Variants in ANKRD44 observed in about 807,000 individuals in gnomAD.
ANKRD44 encodes the protein serine/threonine-protein phosphatase 6 regulatory ankyrin repeat subunit B.
Under a neutral mutation model 116.0 loss-of-function variants are expected in ANKRD44, and 35 were observed. That is an observed-to-expected ratio of 0.30 (90% confidence interval 0.23 to 0.40). The LOEUF is 0.40. Among genes scored for constraint, ANKRD44 ranks in the 10% least tolerant of loss-of-function variants. The probability of loss-of-function intolerance (pLI) is 1.00; values close to 1 mark genes in which losing one functional copy is unlikely to be tolerated. For missense variants in ANKRD44, 1,014 were observed against 1,242.6 expected, an observed-to-expected ratio of 0.82 and a Z score of 2.77; for synonymous variants, 435 against 461.8, an observed-to-expected ratio of 0.94 and a Z score of 0.74.
chr2:197,307,297 G>GTTCT (rs2084100358), intron 1 of ANKRD44, among the ~76,000 whole-genome samples: 1 of 152,158 alleles, frequency 6.6e-6, no homozygotes, highest in Non-Finnish European at 1.5e-5. Context: ...AGTTGAGGAT[G>GTTCT]TTCTATGTTA....
intron 1 of ANKRD44, among the ~76,000 whole-genome samples, chr2:197,240,882 T>G (rs1003534615): frequency 6.6e-6 from 1 of 151,374 alleles, no homozygotes; most frequent in Non-Finnish European, 1.5e-5. Context: ...CAGGAAGTTC[T>G]ACAACAACCC....
intron 10 of ANKRD44, among the ~76,000 whole-genome samples, chr2:197,092,332 T>C (rs146408934): frequency 5.3e-4 from 81 of 152,344 alleles, no homozygotes; most frequent in South Asian, 2.3e-3. Context: ...GACTCCATGC[T>C]TCATAAAGAA....
intron 1 of ANKRD44, among the ~76,000 whole-genome samples, chr2:197,305,294 C>G (rs2084036285): frequency 6.6e-6 from 1 of 152,174 alleles, no homozygotes; most frequent in Admixed American, 6.5e-5. Flanking sequence ...AAGAGGGACT[C>G]AGGGACCACT....
At chr2:197,004,965 A>C (rs1010674271) in intron 21 of ANKRD44, among the ~76,000 whole-genome samples, 2 of 152,170 alleles carry the variant, frequency 1.3e-5, no homozygotes, top group African/African-American at 2.4e-5. Flanking sequence ...ACTTGTAAGA[A>C]TATCTGCAAT....
chr2:197,262,250 G>A (rs1316362876), intron 1 of ANKRD44, among the ~76,000 whole-genome samples: 1 of 152,102 alleles, frequency 6.6e-6, no homozygotes, highest in Non-Finnish European at 1.5e-5. Context: ...AGAAACAAGA[G>A]ACAGCTTTTT....
intron 21 of ANKRD44, among the ~76,000 whole-genome samples, chr2:197,004,477 T>G (rs1224085393): frequency 6.6e-6 from 1 of 151,546 alleles, no homozygotes; most frequent in Non-Finnish European, 1.5e-5. Flanking sequence ...AGGAAAAAAG[T>G]GAACAGTGGA....
chr2:197,309,199 C>T (rs188383481), intron 1 of ANKRD44, among the ~76,000 whole-genome samples: 8 of 152,288 alleles, frequency 5.3e-5, no homozygotes, highest in Non-Finnish European at 8.8e-5. Context: ...ATTTAAAATA[C>T]GCAAATGTCT....
At chr2:196,985,689 A>G (rs2075831940), downstream of ANKRD44, among the ~76,000 whole-genome samples, 1 of 152,166 alleles carries the variant, frequency 6.6e-6, no homozygotes. Context: ...ACTGGGCTGG[A>G]CTGTAATAAC....
intron 17 of ANKRD44, among the ~76,000 whole-genome samples, chr2:197,016,276 G>GGTATTTTATCT (rs1449580868): frequency 2.6e-5 from 4 of 152,070 alleles, no homozygotes; most frequent in African/African-American, 9.7e-5. Flanking sequence ...ACATTCCTGA[G>GGTATTTTATCT]GTATTTTATC....
intron 25 of ANKRD44, among the ~76,000 whole-genome samples, chr2:196,997,100 T>C (rs1451973989): frequency 6.6e-6 from 1 of 151,976 alleles, no homozygotes; most frequent in Non-Finnish European, 1.5e-5. Flanking sequence ...AATATTGACA[T>C]AACACTCAGA....
In ANKRD44 at chr2:197,294,120, C is replaced by T. The variant is rs190068587; in HGVS notation, c.27+16458G>A. 6.6e-4 allele frequency among the ~76,000 whole-genome samples: 101 copies of T among 152,314 alleles called. 2 individuals are homozygous for T. Among genetic ancestry groups the T allele is most frequent in the Admixed American group, 6.6e-3 (101 of 15,300 alleles). ...GGGGATTCTAATGCTCATCTCCTGT[C>T]TTCACCAGACAATTTATAATATTGT... On this transcript the variant is annotated intron_variant, in intron 1 of 27. Transcript: ENST00000282272.
intron 21 of ANKRD44, among the ~76,000 whole-genome samples, chr2:196,974,664 C>T (rs1463155950): frequency 4.0e-5 from 6 of 151,892 alleles, no homozygotes; most frequent in Non-Finnish European, 8.8e-5. Flanking sequence ...CCAAGGCAGG[C>T]AGATCACCTG....
At chr2:196,976,447 C>T (rs1171062196) in intron 21 of ANKRD44, among the ~76,000 whole-genome samples, 1 of 152,018 alleles carries the variant, frequency 6.6e-6, no homozygotes, top group African/African-American at 2.4e-5. Context: ...AGGTTCTAGC[C>T]AGGGAAATTA....
chr2:196,978,785 C>CA (rs2075777492), intron 21 of ANKRD44, among the ~76,000 whole-genome samples: 1 of 145,828 alleles, frequency 6.9e-6, no homozygotes, highest in African/African-American at 2.5e-5. Flanking sequence ...CTCAATGGAG[C>CA]TTTTTTTTTT....
chr2:197,219,714 T>C (rs1359080180), intron 1 of ANKRD44, among the ~76,000 whole-genome samples: 1 of 152,156 alleles, frequency 6.6e-6, no homozygotes, highest in Non-Finnish European at 1.5e-5. Flanking sequence ...ATTCACCAGA[T>C]GGATCATGTG....
At position 197,005,764 on chromosome 2, in the gene ANKRD44, A is replaced by G; in HGVS notation, c.2277T>C (p.Ala759=). 1 of 1,614,176 alleles carries G rather than the reference A, an allele frequency of 6.2e-7. No individual in the cohort carries two copies. Among genetic ancestry groups the G allele is most frequent in the Non-Finnish European group, 8.5e-7 (1 of 1,180,020 alleles). ...ATWLSELLQM[A]LSEEDCCFKD... is the part of the protein sequence containing the mutation. ...TGAAACAACAGTCCTCCTCAGAAAG[A>G]GCCATTTGGAGCAGCTCGCTCAGCC... is the stretch of plus-strand genomic sequence containing the variant. The change falls in exon 21 of 28, where the codon GCT becomes GCC. Residue 759 remains alanine (A), a synonymous_variant. Coordinates refer to ENST00000282272, the MANE Select transcript of ANKRD44 (RefSeq NM_001195144.2).
At chr2:197,198,918 G>C (rs2081028464) in intron 1 of ANKRD44, 1 of 152,280 alleles carries the variant, frequency 6.6e-6, no homozygotes, top group African/African-American at 2.4e-5. Flanking sequence ...TCTTCCACAG[G>C]ACACAGGGCT....
At chr2:197,268,989 A>G (rs2082815556) in intron 1 of ANKRD44, among the ~76,000 whole-genome samples, 1 of 152,148 alleles carries the variant, frequency 6.6e-6, no homozygotes. Context: ...TTTGGGGAAA[A>G]ATATGACTCA....
intron 8 of ANKRD44, among the ~76,000 whole-genome samples, chr2:197,118,647 G>GAAAGAAAGAAAGAAAA (rs1553512605): frequency 9.9e-4 from 147 of 149,216 alleles, no homozygotes; most frequent in South Asian, 1.7e-3. Context: ...GAGAAAGAAA[G>GAAAGAAAGAAAGAAAA]AAAGAAAGAA....
Sources: gnomAD v4.1 joint callset for allele counts (sites outside exome capture counted in the v4.1 genomes callset) on GRCh38, gnomAD v4.1.1 for gene constraint, MANE v1.5 for transcripts, NCBI Gene and HGNC (gene_info 2026-07-23, HGNC 2026-07-21) for gene names.